HDAC9: variants seen among roughly 807,000 people sequenced by gnomAD.
The protein encoded by HDAC9 is histone deacetylase 9.
In HDAC9, 41 loss-of-function variants were observed where a neutral mutation model predicts 139.4. That is an observed-to-expected ratio of 0.29 (90% CI 0.23 to 0.38). The LOEUF is 0.38. HDAC9 is among the 10% of genes least tolerant of loss of function. HDAC9 has a pLI of 1.00. For missense variants in HDAC9, 1,147 were observed against 1,297.0 expected, an observed-to-expected ratio of 0.88 and a Z score of 1.78; for synonymous variants, 517 against 476.2, an observed-to-expected ratio of 1.09 and a Z score of -1.12.
At chr7:18,952,356 T>G (rs1269316379) in intron 23 of HDAC9, among the ~76,000 whole-genome samples, 2 of 151,962 alleles carry the variant, frequency 1.3e-5, no homozygotes, top group Non-Finnish European at 2.9e-5. Flanking sequence ...TTAGATGTTT[T>G]ACATATATGA....
intron 2 of HDAC9, among the ~76,000 whole-genome samples, chr7:18,271,108 A>G (rs890554222): frequency 6.6e-6 from 1 of 152,188 alleles, no homozygotes; most frequent in Non-Finnish European, 1.5e-5. Flanking sequence ...ATTGCAGTGT[A>G]ATATTGATTG....
intron 1 of HDAC9, among the ~76,000 whole-genome samples, chr7:18,154,669 G>T (rs559434985): frequency 6.6e-6 from 1 of 152,200 alleles, no homozygotes; most frequent in Non-Finnish European, 1.5e-5. Context: ...TTTGCTCAAC[G>T]TGGGGATTAT....
At chr7:18,331,188 G>A (rs1800895675) in intron 1 of HDAC9, among the ~76,000 whole-genome samples, 1 of 151,550 alleles carries the variant, frequency 6.6e-6, no homozygotes. Flanking sequence ...TGTTCCTTCA[G>A]CATCATTCCC....
intron 21 of HDAC9, among the ~76,000 whole-genome samples, chr7:18,856,997 C>G (rs1455280250): frequency 6.6e-6 from 1 of 152,066 alleles, no homozygotes; most frequent in Non-Finnish European, 1.5e-5. Context: ...TCTTCTCCTA[C>G]CTCTCAGCTT....
chr7:18,290,265 C>T (rs937087108), upstream of HDAC9: 2 of 326,866 alleles, frequency 6.1e-6, no homozygotes, highest in Non-Finnish European at 6.1e-6. Flanking sequence ...ACTGTCTTTG[C>T]CCCCAAGTTA....
intron 2 of HDAC9, among the ~76,000 whole-genome samples, chr7:18,541,924 A>G (rs1813097621): frequency 6.6e-6 from 1 of 152,152 alleles, no homozygotes; most frequent in Non-Finnish European, 1.5e-5. Flanking sequence ...CAGACTTCCT[A>G]CAGATATATC....
At chr7:18,501,853 G>A (rs1280203387) in intron 2 of HDAC9, among the ~76,000 whole-genome samples, 1 of 152,180 alleles carries the variant, frequency 6.6e-6, no homozygotes, top group African/African-American at 2.4e-5. Flanking sequence ...TTAATTGTAA[G>A]TAGTAGGTAT....
chr7:18,982,681 C>A (rs751992009), intron 25 of HDAC9, among the ~76,000 whole-genome samples: 2 of 152,058 alleles, frequency 1.3e-5, no homozygotes, highest in Non-Finnish European at 2.9e-5. Flanking sequence ...CTTTTAACAC[C>A]GTCAATTATG....
chr7:18,541,152 T>TTTG (rs1563203955), intron 2 of HDAC9, among the ~76,000 whole-genome samples: 1 of 147,682 alleles, frequency 6.8e-6, no homozygotes, highest in Non-Finnish European at 1.5e-5. Flanking sequence ...TTTTTTTTTT[T>TTTG]TTTTTTTTTT....
chr7:18,461,176 A>AG (rs1000313141), intron 1 of HDAC9, among the ~76,000 whole-genome samples: 3 of 152,212 alleles, frequency 2.0e-5, no homozygotes, highest in African/African-American at 7.2e-5. Flanking sequence ...CTTTTCAGTC[A>AG]GAAAAAAAAG....
At chr7:18,158,388 G>A (rs988579615) in intron 1 of HDAC9, among the ~76,000 whole-genome samples, 1 of 152,162 alleles carries the variant, frequency 6.6e-6, no homozygotes, top group South Asian at 2.1e-4. Context: ...AGGTCCTTTA[G>A]TAAAGAAGAC....
At chr7:18,974,430 C>T (rs1408431189) in intron 24 of HDAC9, among the ~76,000 whole-genome samples, 1 of 152,188 alleles carries the variant, frequency 6.6e-6, no homozygotes, top group African/African-American at 2.4e-5. Context: ...ACAGGGCTGT[C>T]TCAACTGGAC....
intron 21 of HDAC9, among the ~76,000 whole-genome samples, chr7:18,841,536 G>A (rs1315076658): frequency 6.6e-6 from 1 of 152,072 alleles, no homozygotes; most frequent in Non-Finnish European, 1.5e-5. Flanking sequence ...AGCTTCGGTA[G>A]GTTTCCTGAT....
chr7:18,289,533 A>T (rs576472463), upstream of HDAC9, among the ~76,000 whole-genome samples: 1 of 152,348 alleles, frequency 6.6e-6, no homozygotes, highest in South Asian at 2.1e-4. Context: ...CTAGCCAATC[A>T]AAAGCAAGAG....
At chr7:18,174,209 C>A (rs1788693919) in intron 2 of HDAC9, among the ~76,000 whole-genome samples, 1 of 152,136 alleles carries the variant, frequency 6.6e-6, no homozygotes, top group Non-Finnish European at 1.5e-5. Flanking sequence ...GATCTTCAAT[C>A]ACTGATACCT....
Position 18,827,379 on chromosome 7 carries a change from T to C in HDAC9, c.2323-1782T>C, listed in dbSNP as rs557399207. The stretch of plus-strand genomic sequence containing the variant: ...GAAATTTTTTAACTAGATGACTAAA[T>C]CAGAAGATAAGTATTTTTTTAAGGC... On this transcript the variant is annotated intron_variant, in intron 17 of 25. Transcript: ENST00000686413. Among the ~76,000 whole-genome samples the C allele has an allele frequency of 1.7e-3, 264 of 152,202 alleles. 2 individuals are homozygous for C. The highest frequency in any genetic ancestry group is 5.7e-3 in the African/African-American group (237 of 41,558).
rs1004187967 is a variant in HDAC9, at chr7:18,798,144, T to C, written c.2322+4692T>C. On this transcript the variant is annotated intron_variant, in intron 17 of 25. Coordinates refer to ENST00000686413, the MANE Select transcript of HDAC9 (RefSeq NM_178425.4). ...GAACATGGCTGCTCTTTCACTAGAG[T>C]ATAACAAAGAGTAAAACAGTCCGCT... Among the ~76,000 whole-genome samples the C allele has an allele frequency of 1.3e-4, 20 of 152,162 alleles. 1 individual carries two copies. The highest frequency in any genetic ancestry group is 4.3e-4 in the African/African-American group (18 of 41,520).
chr7:18,210,333 G>A (rs1281210978), intron 2 of HDAC9, among the ~76,000 whole-genome samples: 1 of 152,168 alleles, frequency 6.6e-6, no homozygotes, highest in African/African-American at 2.4e-5. Flanking sequence ...TTGCTTATTA[G>A]CGTCATCGGC....
At chr7:18,248,258 G>T (rs559564688) in intron 2 of HDAC9, among the ~76,000 whole-genome samples, 27 of 152,096 alleles carry the variant, frequency 1.8e-4, no homozygotes, top group South Asian at 6.2e-4. Context: ...TCACAAATAG[G>T]GTTCTAAAGT....
Sources: gnomAD v4.1 joint callset for allele counts (sites outside exome capture counted in the v4.1 genomes callset) on GRCh38, gnomAD v4.1.1 for gene constraint, MANE v1.5 for transcripts, NCBI Gene and HGNC (gene_info 2026-07-23, HGNC 2026-07-21) for gene names.